Variants in DOCK8 observed in about 807,000 individuals in gnomAD.
The protein encoded by DOCK8 is dedicator of cytokinesis protein 8.
A neutral mutation model predicts 245.6 loss-of-function variants in DOCK8; 141 were observed. The ratio of observed to expected loss-of-function variants is 0.57; its 90% CI spans 0.50 to 0.66. DOCK8 has a LOEUF of 0.66. DOCK8 is among the 30% of genes least tolerant of loss of function. DOCK8 has a pLI of 0.00. For missense variants in DOCK8, 2,965 were observed against 2,603.4 expected, an observed-to-expected ratio of 1.14 and a Z score of -3.02; for synonymous variants, 1,168 against 970.2, an observed-to-expected ratio of 1.20 and a Z score of -3.79.
chr9:425,422 C>A (rs2056449481), intron 33 of DOCK8, among the ~76,000 whole-genome samples: 1 of 151,724 alleles, frequency 6.6e-6, no homozygotes, highest in South Asian at 2.1e-4. Flanking sequence ...GTCCCAGCTA[C>A]TCGGGAGGCT....
intron 14 of DOCK8, among the ~76,000 whole-genome samples, chr9:363,361 T>C (rs2052822884): frequency 6.6e-6 from 1 of 152,218 alleles, no homozygotes; most frequent in South Asian, 2.1e-4. Flanking sequence ...CATGATTCTC[T>C]GGCCAGTATG....
In DOCK8 at chr9:379,764, T is replaced by A; in HGVS notation, c.2441-7T>A. The A allele has an allele frequency of 1.2e-6, 2 of 1,614,176 alleles. No individual in the cohort carries two copies. The highest frequency in any genetic ancestry group is 1.7e-6 in the Non-Finnish European group (2 of 1,180,024). ...TGGGACTACCCATTTTTCTCTTGGT[T>A]CCTCAGCCAACTTCTCCCAGTTTGC... On this transcript the variant is annotated splice_polypyrimidine_tract_variant and splice_region_variant and intron_variant, in intron 20 of 47. Coordinates refer to ENST00000432829, the MANE Select transcript of DOCK8 (RefSeq NM_203447.4).
intron 2 of DOCK8, among the ~76,000 whole-genome samples, chr9:285,387 G>A (rs2048776901): frequency 1.3e-5 from 2 of 152,252 alleles, no homozygotes; most frequent in South Asian, 4.1e-4. Flanking sequence ...TCCCATCAAG[G>A]CAGTGCAAGT....
intron 6 of DOCK8, among the ~76,000 whole-genome samples, chr9:313,759 C>T (rs967203579): frequency 5.3e-5 from 8 of 152,202 alleles, no homozygotes; most frequent in African/African-American, 1.9e-4. Flanking sequence ...TTAATGTTCT[C>T]ATCACACACA....
At chr9:267,843 A>G (rs2048070720) in intron 1 of DOCK8, 1 of 152,242 alleles carries the variant, frequency 6.6e-6, no homozygotes, top group South Asian at 2.1e-4. Context: ...CTATCATGCT[A>G]TCATATACAG....
Position 368,136 on chromosome 9 carries a change from G to C in DOCK8, c.1797+1G>C, listed in dbSNP as rs2053100837. 6.2e-7 allele frequency: 1 copy of C among 1,612,700 alleles called. No individual in the cohort carries two copies. Among genetic ancestry groups the C allele is most frequent in the Non-Finnish European group, 8.5e-7 (1 of 1,178,684 alleles). On this transcript the variant is annotated splice_donor_variant, in intron 15 of 47. Coordinates refer to ENST00000432829, the MANE Select transcript of DOCK8 (RefSeq NM_203447.4). LOFTEE classifies it high-confidence loss of function. ...AGAAGATGCTAGCAATGCGATGCCG[G>C]TAAGGAGGGAAACGAACATTTGCCT...
At chr9:294,469 G>T (rs2049172892) in intron 4 of DOCK8, among the ~76,000 whole-genome samples, 1 of 152,162 alleles carries the variant, frequency 6.6e-6, no homozygotes, top group African/African-American at 2.4e-5. Flanking sequence ...AGTTCCTCCA[G>T]TCTTCTTTTA....
intron 14 of DOCK8, among the ~76,000 whole-genome samples, chr9:352,578 C>G (rs1323340150): frequency 6.6e-6 from 1 of 151,934 alleles, no homozygotes; most frequent in East Asian, 1.9e-4. Flanking sequence ...CCCATCTCTA[C>G]TAAAAATACA....
chr9:393,913 C>A (rs189138997), intron 24 of DOCK8, among the ~76,000 whole-genome samples: 130 of 152,166 alleles, frequency 8.5e-4, no homozygotes, highest in African/African-American at 2.9e-3. Context: ...GGTGAGAGCC[C>A]CCAGGGTACA....
intron 33 of DOCK8, among the ~76,000 whole-genome samples, chr9:422,821 C>CA (rs1251208029): frequency 6.6e-6 from 1 of 151,868 alleles, no homozygotes; most frequent in Non-Finnish European, 1.5e-5. Context: ...CCCGTCTCTA[C>CA]AAAAAATAGA....
At position 432,284 on chromosome 9, in the gene DOCK8, A is replaced by G; in HGVS notation, c.4745A>G (p.Glu1582Gly). The change falls in exon 37 of 48, where the codon GAA becomes GGA. Residue 1582 changes from glutamate to glycine, a missense_variant. By Grantham distance (98) the Glu-to-Gly change is moderately conservative. This residue lies in a region of DOCK8 where 2,825 missense variants were observed against 2,453.5 expected (regional missense o/e 1.15). Coordinates refer to ENST00000432829, the MANE Select transcript of DOCK8 (RefSeq NM_203447.4). ...RSLRTILAYS[E>G]EDTAMQMTPF... ...TTGAGGACAATTTTGGCCTATTCAGAAGAGGACACAGCCATGCAGATGACT... is the reference window on the plus strand; with the variant it reads ...TTGAGGACAATTTTGGCCTATTCAGGAGAGGACACAGCCATGCAGATGACT... 6.2e-7 allele frequency: 1 copy of G among 1,614,134 alleles called. No homozygotes were observed. The highest frequency in any genetic ancestry group is 8.5e-7 in the Non-Finnish European group (1 of 1,180,030).
intron 29 of DOCK8, among the ~76,000 whole-genome samples, chr9:415,825 C>G (rs1337302686): frequency 2.0e-5 from 3 of 152,208 alleles, no homozygotes; most frequent in African/African-American, 7.2e-5. Flanking sequence ...CAATGCTTCC[C>G]TGAGCCAGCC....
At chr9:220,550 G>C (rs969535588) in intron 1 of DOCK8, among the ~76,000 whole-genome samples, 4 of 152,080 alleles carry the variant, frequency 2.6e-5, no homozygotes. Context: ...ACCGTGAGAA[G>C]GTAGGGATGT....
intron 6 of DOCK8, among the ~76,000 whole-genome samples, chr9:315,525 A>G (rs1024462067): frequency 2.0e-5 from 3 of 152,236 alleles, no homozygotes; most frequent in African/African-American, 7.2e-5. Context: ...GCAATAAGAA[A>G]TTATTAATTT....
intron 1 of DOCK8, among the ~76,000 whole-genome samples, chr9:242,686 G>A (rs2047402914): frequency 6.6e-6 from 1 of 152,146 alleles, no homozygotes; most frequent in Non-Finnish European, 1.5e-5. Flanking sequence ...GTCTAGCTGA[G>A]ACCAAACCCA....
At chr9:240,914 G>A (rs1195108758) in intron 1 of DOCK8, among the ~76,000 whole-genome samples, 1 of 151,704 alleles carries the variant, frequency 6.6e-6, no homozygotes, top group Non-Finnish European at 1.5e-5. Context: ...GTGAGACTAT[G>A]TGGAAATTAC....
rs1344264076 is a variant in DOCK8, at chr9:429,762, C to T, written c.4534C>T (p.Leu1512=). The change falls in exon 36 of 48, where the codon CTG becomes TTG. Residue 1512 remains leucine (L), a synonymous_variant. Transcript: ENST00000432829. ...EQCFDLCHQV[L]HHCSSSMDVT... ...GTGTTTCGACCTATGTCACCAAGTC[C>T]TGCACCACTGCAGCAGCAGCATGGA... The T allele has an allele frequency of 6.2e-7, 1 of 1,614,182 alleles. No homozygotes were observed. Among genetic ancestry groups the T allele is most frequent in the Non-Finnish European group, 8.5e-7 (1 of 1,180,040 alleles).
intron 2 of DOCK8, among the ~76,000 whole-genome samples, chr9:275,002 C>T (rs1017830313): frequency 2.0e-5 from 3 of 152,178 alleles, no homozygotes; most frequent in Non-Finnish European, 4.4e-5. Flanking sequence ...GTTGTTGCTG[C>T]TGTTTTGCAA....
intron 27 of DOCK8, among the ~76,000 whole-genome samples, chr9:406,181 G>C (rs1242381770): frequency 2.0e-5 from 3 of 152,142 alleles, no homozygotes; most frequent in Non-Finnish European, 4.4e-5. Context: ...GTCTGACAAT[G>C]TGCTTAAGCC....
Sources: gnomAD v4.1 joint callset for allele counts (sites outside exome capture counted in the v4.1 genomes callset) on GRCh38, gnomAD v4.1.1 for gene constraint, gnomAD v4.1.1 regional missense constraint, MANE v1.5 for transcripts, NCBI Gene and HGNC (gene_info 2026-07-23, HGNC 2026-07-21) for gene names.